XKR6: variants seen among roughly 807,000 people sequenced by gnomAD.
XKR6 encodes the protein XK related 6, also known as XK-related protein 6.
Under a neutral mutation model 56.7 loss-of-function variants are expected in XKR6, and 22 were observed. The observed-to-expected ratio is 0.39, with a 90% confidence interval of 0.28 to 0.55. The LOEUF (loss-of-function observed/expected upper bound fraction) is 0.55. Among genes scored for constraint, XKR6 ranks in the 20% least tolerant of loss-of-function variants. XKR6 has a pLI of 0.66. For synonymous variants in XKR6, 524 were observed against 387.8 expected (o/e 1.35, Z -4.13); for missense variants, 852 against 889.0 (o/e 0.96, Z 0.53).
chr8:10,981,396 T>C (rs943107940), intron 1 of XKR6, among the ~76,000 whole-genome samples: 1 of 152,088 alleles, frequency 6.6e-6, no homozygotes, highest in African/African-American at 2.4e-5. Flanking sequence ...AGAGGAGATA[T>C]TTCCAAGGCA....
At chr8:11,080,392 G>T (rs1294286904) in intron 1 of XKR6, among the ~76,000 whole-genome samples, 3 of 152,180 alleles carry the variant, frequency 2.0e-5, no homozygotes, top group African/African-American at 7.2e-5. Context: ...AAAAAAAAGA[G>T]ATCAGTACAT....
chr8:11,089,788 C>G (rs1461356477), intron 1 of XKR6, among the ~76,000 whole-genome samples: 1 of 152,154 alleles, frequency 6.6e-6, no homozygotes, highest in Non-Finnish European at 1.5e-5. Context: ...GCAGTAAAAC[C>G]TGTCTTCTCC....
rs1351983879 is a variant in XKR6, at chr8:10,898,311, G to A, written c.1567C>T (p.Pro523Ser). The A allele has an allele frequency of 6.2e-7, 1 of 1,613,908 alleles. No homozygotes were observed. Among genetic ancestry groups the A allele is most frequent in the Non-Finnish European group, 8.5e-7 (1 of 1,179,942 alleles). ...CAELLWGIPL[P>S]PDVEPMAPEI... ...GGCGCCATGGGCTCAACATCGGGGG[G>A]CAAAGGGATGCCCCAGAGCAGCTCG... Residue 523 changes from proline to serine, a missense_variant, in exon 3 of 3, where the codon CCC (proline) becomes TCC (serine). Transcript: ENST00000416569. The surrounding 1 kb of genome is among the most constrained non-coding windows in gnomAD (Gnocchi z 6.6).
intron 1 of XKR6, chr8:11,128,991 T>C (rs1261041972): frequency 2.2e-6 from 1 of 456,450 alleles, no homozygotes; most frequent in Non-Finnish European, 4.4e-6. Flanking sequence ...TGGTTTGTTC[T>C]GTTCTCTCTT....
At chr8:10,960,338 A>G (rs1272334341) in intron 1 of XKR6, among the ~76,000 whole-genome samples, 1 of 152,186 alleles carries the variant, frequency 6.6e-6, no homozygotes, top group Non-Finnish European at 1.5e-5. Context: ...GGAACTCTCA[A>G]GCCCGTTAAC....
At chr8:11,126,652 C>T (rs1799813749) in intron 1 of XKR6, among the ~76,000 whole-genome samples, 1 of 152,190 alleles carries the variant, frequency 6.6e-6, no homozygotes, top group African/African-American at 2.4e-5. Flanking sequence ...CCAAGATCCA[C>T]AGACTAATCC....
At chr8:11,074,696 G>T (rs1181846471) in intron 1 of XKR6, among the ~76,000 whole-genome samples, 1 of 152,176 alleles carries the variant, frequency 6.6e-6, no homozygotes, top group Admixed American at 6.5e-5. Flanking sequence ...TGGGAGAGAG[G>T]CAGAGAGACG....
intron 1 of XKR6, among the ~76,000 whole-genome samples, chr8:11,160,911 C>CAGAAAAAAAAA (rs1801769275): frequency 1.4e-4 from 9 of 63,778 alleles, no homozygotes; most frequent in African/African-American, 5.9e-4. Flanking sequence ...GACTCCGTCT[C>CAGAAAAAAAAA]AAAAAAAAAA....
chr8:11,022,999 G>A (rs545931307), intron 1 of XKR6, among the ~76,000 whole-genome samples: 10 of 152,200 alleles, frequency 6.6e-5, no homozygotes, highest in Admixed American at 2.6e-4. Flanking sequence ...CTGGTGCTGC[G>A]GTGTCAGCGC....
chr8:11,127,167 G>A (rs1586583988), intron 1 of XKR6, among the ~76,000 whole-genome samples: 1 of 152,130 alleles, frequency 6.6e-6, no homozygotes, highest in African/African-American at 2.4e-5. Flanking sequence ...ACTTCTTAAC[G>A]AGATGTACTA....
At chr8:11,001,219 G>A (rs555188959) in intron 1 of XKR6, among the ~76,000 whole-genome samples, 4 of 152,162 alleles carry the variant, frequency 2.6e-5, no homozygotes, top group South Asian at 2.1e-4. Flanking sequence ...CTCCCCTTCC[G>A]ATGGAGAAAC....
At position 10,971,016 on chromosome 8, in the gene XKR6, A is replaced by C. The variant is rs1802393102; in HGVS notation, c.765-46186T>G. 2.0e-5 allele frequency among the ~76,000 whole-genome samples: 3 copies of C among 151,758 alleles called. No individual in the cohort carries two copies. In the South Asian group the frequency reaches 6.2e-4, roughly 32 times the overall value. ...AGCTCAGAAATAAACTGAGTGTTCA[A>C]CTGCAGTCACATTCAACTTAGGAAC... On this transcript the variant is annotated intron_variant, in intron 1 of 2. Transcript: ENST00000416569.
intron 1 of XKR6, among the ~76,000 whole-genome samples, chr8:11,141,996 AT>A (rs982465890): frequency 1.2e-4 from 18 of 148,616 alleles, no homozygotes; most frequent in Middle Eastern, 3.5e-3. Flanking sequence ...AGATTTGTCC[AT>A]TTTTTTCTGT....
At chr8:11,076,381 A>C (rs188513287) in intron 1 of XKR6, among the ~76,000 whole-genome samples, 1 of 152,284 alleles carries the variant, frequency 6.6e-6, no homozygotes, top group South Asian at 2.1e-4. Context: ...ATTTTATATT[A>C]TGCATATTTT....
chr8:11,103,843 TTTCTC>T (rs1352684431), intron 1 of XKR6, among the ~76,000 whole-genome samples: 3 of 152,210 alleles, frequency 2.0e-5, no homozygotes, highest in Non-Finnish European at 4.4e-5. Context: ...TTTAGCATCT[TTTCTC>T]TGCTGCAAAA....
intron 1 of XKR6, among the ~76,000 whole-genome samples, chr8:11,116,152 C>T (rs548593775): frequency 6.6e-6 from 1 of 152,282 alleles, no homozygotes; most frequent in Non-Finnish European, 1.5e-5. Flanking sequence ...AAACTGTATG[C>T]TGGTCTTATG....
rs1221289809 is a variant in XKR6, at chr8:10,937,999, C to G, written c.765-13169G>C. ...GCAATGGCGGGCGCCCCTCCCCCAG[C>G]CTCGCTGCCGCCTTGCAGTTTGATC... On this transcript the variant is annotated intron_variant, in intron 1 of 2. Transcript: ENST00000416569. Among the ~76,000 whole-genome samples the G allele has an allele frequency of 1.8e-3, 267 of 151,890 alleles. 1 individual carries two copies. The highest frequency in any genetic ancestry group is 3.4e-3 in the Middle Eastern group (1 of 294).
intron 1 of XKR6, among the ~76,000 whole-genome samples, chr8:11,118,039 G>A (rs531231201): frequency 1.3e-4 from 20 of 152,034 alleles, no homozygotes; most frequent in African/African-American, 3.4e-4. Context: ...GAATAATGAC[G>A]TTATTTACCA....
chr8:11,055,016 G>A (rs1224056585), intron 1 of XKR6, among the ~76,000 whole-genome samples: 1 of 152,198 alleles, frequency 6.6e-6, no homozygotes, highest in Non-Finnish European at 1.5e-5. Flanking sequence ...TAGACAAGCA[G>A]ATGGCCACAC....
Sources: allele counts gnomAD v4.1 joint callset (sites outside exome capture counted in the v4.1 genomes callset), GRCh38; gene constraint gnomAD v4.1.1; non-coding constraint Gnocchi (gnomAD v3.1); transcripts MANE v1.5; gene names NCBI Gene and HGNC (gene_info 2026-07-23, HGNC 2026-07-21).